The following DPYD variants were observed in gnomAD, a reference collection of about 807,000 sequenced individuals.
DPYD encodes the protein dihydropyrimidine dehydrogenase.
In DPYD, 109 loss-of-function variants were observed where a neutral mutation model predicts 116.2. The observed-to-expected ratio is 0.94, with a 90% CI of 0.80 to 1.10. The LOEUF (loss-of-function observed/expected upper bound fraction) is 1.10, where lower values mean the gene tolerates loss of function less well. DPYD is among the 50% of genes least tolerant of loss of function. DPYD has a pLI of 0.00. For synonymous variants in DPYD, 440 were observed against 432.0 expected (o/e 1.02, Z -0.23); for missense variants, 1,302 against 1,254.5 (o/e 1.04, Z -0.57).
chr1:97,605,569 A>G (rs979922077), intron 8 of DPYD, among the ~76,000 whole-genome samples: 2 of 151,986 alleles, frequency 1.3e-5, no homozygotes, highest in Non-Finnish European at 2.9e-5. Flanking sequence ...TTAAACCTCT[A>G]TCCTTTATAA....
At chr1:97,366,814 G>C (rs372602114) in intron 16 of DPYD, among the ~76,000 whole-genome samples, 1 of 152,132 alleles carries the variant, frequency 6.6e-6, no homozygotes, top group East Asian at 1.9e-4. Context: ...ATGCCAGGGA[G>C]GCTACTGTGG....
intron 12 of DPYD, among the ~76,000 whole-genome samples, chr1:97,541,043 G>A (rs1335167224): frequency 1.3e-5 from 2 of 152,230 alleles, no homozygotes; most frequent in South Asian, 2.1e-4. Flanking sequence ...TAACCAAGTT[G>A]GTTGCATCTG....
intron 2 of DPYD, among the ~76,000 whole-genome samples, chr1:97,873,271 T>C (rs1345615518): frequency 1.3e-5 from 2 of 152,018 alleles, no homozygotes; most frequent in Admixed American, 6.6e-5. Context: ...ATTTATACTA[T>C]ATAAGTTTCA....
chr1:97,808,732 T>A (rs971117086), intron 3 of DPYD, among the ~76,000 whole-genome samples: 7 of 151,080 alleles, frequency 4.6e-5, no homozygotes, highest in Non-Finnish European at 1.0e-4. Flanking sequence ...GGGGTTTATA[T>A]CTTTTTATTA....
chr1:97,396,354 T>G (rs1443648316), intron 14 of DPYD, among the ~76,000 whole-genome samples: 1 of 152,030 alleles, frequency 6.6e-6, no homozygotes, highest in Non-Finnish European at 1.5e-5. Flanking sequence ...TTTGTGCTCC[T>G]TATACAACCT....
At chr1:97,355,695 C>T (rs1670395345) in intron 16 of DPYD, among the ~76,000 whole-genome samples, 2 of 152,170 alleles carry the variant, frequency 1.3e-5, no homozygotes, top group African/African-American at 4.8e-5. Flanking sequence ...TCTCTCTAGG[C>T]CTGCCTTCCT....
At chr1:97,769,489 G>A (rs1666039096) in intron 3 of DPYD, among the ~76,000 whole-genome samples, 1 of 152,066 alleles carries the variant, frequency 6.6e-6, no homozygotes, top group African/African-American at 2.4e-5. Flanking sequence ...ATGATTTGTG[G>A]TGGTTAAAAC....
intron 18 of DPYD, among the ~76,000 whole-genome samples, chr1:97,299,331 A>G (rs1382721113): frequency 6.6e-6 from 1 of 152,174 alleles, no homozygotes; most frequent in Non-Finnish European, 1.5e-5. Context: ...CCACTGCTGC[A>G]AAGGTAAGTT....
chr1:97,431,010 T>C (rs145946318), intron 14 of DPYD, among the ~76,000 whole-genome samples: 161 of 152,022 alleles, frequency 1.1e-3, no homozygotes, highest in African/African-American at 3.6e-3. Context: ...AATTAAAAAA[T>C]AGGGTTTTAG....
chr1:97,203,793 CAA>C (rs56819543), intron 19 of DPYD, among the ~76,000 whole-genome samples: 9,885 of 64,346 alleles, frequency 0.15, 156 homozygotes, highest in African/African-American at 0.29. Context: ...ATTCACATTC[CAA>C]AAAAAAAAAA....
At chr1:97,192,460 T>C (rs1658441851) in intron 20 of DPYD, among the ~76,000 whole-genome samples, 1 of 152,198 alleles carries the variant, frequency 6.6e-6, no homozygotes, top group Admixed American at 6.5e-5. Context: ...GTTATCTATT[T>C]AGAATAATAC....
chr1:97,671,341 GTAC>G (rs1659849909), intron 8 of DPYD, among the ~76,000 whole-genome samples: 3 of 152,002 alleles, frequency 2.0e-5, no homozygotes, highest in Admixed American at 2.0e-4. Flanking sequence ...ACCCTAGCGA[GTAC>G]TACCATTAAA....
intron 18 of DPYD, among the ~76,000 whole-genome samples, chr1:97,302,286 T>TA (rs1036293901): frequency 6.6e-6 from 1 of 152,042 alleles, no homozygotes; most frequent in African/African-American, 2.4e-5. Context: ...CCTTGTTTGA[T>TA]AAAAAATATT....
rs201925475 is a variant in DPYD at position 97,661,805 on chromosome 1, G to T, written c.850+17290C>A. On this transcript the variant is annotated intron_variant, in intron 8 of 22. Coordinates refer to ENST00000370192, the MANE Select transcript of DPYD (RefSeq NM_000110.4). ...ATGTTAATTAATGTTAAGGAAATTT[G>T]CTTTTTAAAACTCCCCAATCTAATA... Among the ~76,000 whole-genome samples, 10 of 151,760 alleles carry T rather than the reference G, an allele frequency of 6.6e-5. No homozygotes were observed. The East Asian group carries it at 1.9e-3, about 29-fold the overall frequency.
intron 4 of DPYD, among the ~76,000 whole-genome samples, chr1:97,734,903 C>T (rs566288770): frequency 1.3e-5 from 2 of 152,238 alleles, no homozygotes; most frequent in East Asian, 1.9e-4. Flanking sequence ...TCCACATCAC[C>T]AGAAAGAGAA....
intron 1 of DPYD, among the ~76,000 whole-genome samples, chr1:97,888,655 A>C (rs1383079945): frequency 2.6e-5 from 4 of 152,066 alleles, no homozygotes; most frequent in Non-Finnish European, 5.9e-5. Flanking sequence ...TCATGTAAAA[A>C]TAGTTTCAAT....
chr1:97,725,763 A>G (rs1663220690), intron 4 of DPYD, among the ~76,000 whole-genome samples: 1 of 151,618 alleles, frequency 6.6e-6, no homozygotes, highest in African/African-American at 2.4e-5. Flanking sequence ...ATGAAGTTTG[A>G]CCCTATCTCA....
intron 18 of DPYD, among the ~76,000 whole-genome samples, chr1:97,304,355 C>T (rs1570470210): frequency 1.3e-5 from 2 of 152,092 alleles, no homozygotes; most frequent in South Asian, 4.1e-4. Context: ...CCTCGTCAGC[C>T]TTCTTCTTTC....
rs114842901 is a variant in DPYD, at chr1:97,296,733, C to T, written c.2299+8526G>A. ...TTAAAGAGTACTTCCAAAGAGGATC[C>T]TTAAGATGTTCAAATTTTAAAAAAA... On this transcript the variant is annotated intron_variant, in intron 18 of 22. Coordinates refer to ENST00000370192, the MANE Select transcript of DPYD (RefSeq NM_000110.4). 7.0e-3 allele frequency among the ~76,000 whole-genome samples: 1,052 copies of T among 151,322 alleles called. 22 individuals carry two copies. Among genetic ancestry groups the T allele is most frequent in the African/African-American group, 0.024 (991 of 41,226 alleles).
Sources: gnomAD v4.1 joint callset for allele counts (sites outside exome capture counted in the v4.1 genomes callset) on GRCh38, gnomAD v4.1.1 for gene constraint, MANE v1.5 for transcripts, NCBI Gene and HGNC (gene_info 2026-07-23, HGNC 2026-07-21) for gene names.